RPSA2: variants seen among roughly 807,000 people sequenced by gnomAD.
RPSA2 encodes the protein ribosomal protein SA 2, also known as small ribosomal subunit protein uS2B.
the RPSA2 span, among the ~76,000 whole-genome samples, chr19:23,780,892 C>T: frequency 2.0e-5 from 3 of 152,172 alleles, no homozygotes; most frequent in Non-Finnish European, 4.4e-5. Flanking sequence ...TAAATACAGC[C>T]TACTTTTGAG....
the RPSA2 span, chr19:23,799,230 G>A: frequency 6.6e-6 from 1 of 152,246 alleles, no homozygotes; most frequent in East Asian, 1.9e-4. Flanking sequence ...TTCTCAGAGT[G>A]AGAGCTGTTT....
the RPSA2 span, chr19:23,758,816 T>C: frequency 6.2e-7 from 1 of 1,608,644 alleles, no homozygotes; most frequent in Non-Finnish European, 8.5e-7. Context: ...CAGAGGGCCA[T>C]AGAGGCTGGG....
chr19:23,789,633 T>C, the RPSA2 span, among the ~76,000 whole-genome samples: 1 of 151,936 alleles, frequency 6.6e-6, no homozygotes, highest in Non-Finnish European at 1.5e-5. Context: ...GAATTACCAC[T>C]CTCTCACATA....
the RPSA2 span, among the ~76,000 whole-genome samples, chr19:23,861,891 C>A: frequency 8.0e-4 from 122 of 152,238 alleles, no homozygotes; most frequent in African/African-American, 2.9e-3. Flanking sequence ...GAACTCTGCA[C>A]ACAGGAGGTT....
At chr19:23,792,213 C>T in the RPSA2 span, among the ~76,000 whole-genome samples, 2 of 152,284 alleles carry the variant, frequency 1.3e-5, no homozygotes, top group East Asian at 1.9e-4. Context: ...AAGTTAATAA[C>T]TCTGACATGG....
chr19:23,829,124 A>G, the RPSA2 span, among the ~76,000 whole-genome samples: 1 of 152,098 alleles, frequency 6.6e-6, no homozygotes, highest in South Asian at 2.1e-4. Flanking sequence ...TTCTGCTCTT[A>G]TTTGATTAAT....
the RPSA2 span, among the ~76,000 whole-genome samples, chr19:23,778,268 A>G: frequency 6.6e-6 from 1 of 152,160 alleles, no homozygotes; most frequent in African/African-American, 2.4e-5. Flanking sequence ...GCTGGAATGC[A>G]ATGGCGCAAT....
At chr19:23,824,200 T>C in the RPSA2 span, among the ~76,000 whole-genome samples, 12 of 152,156 alleles carry the variant, frequency 7.9e-5, no homozygotes, top group Non-Finnish European at 1.8e-4. Flanking sequence ...TATGCTGACC[T>C]TGCAGCTGCA....
At chr19:23,764,845 A>G in the RPSA2 span, among the ~76,000 whole-genome samples, 1 of 151,162 alleles carries the variant, frequency 6.6e-6, no homozygotes, top group African/African-American at 2.4e-5. Context: ...TATCTTCCCT[A>G]GGCACACACA....
At chr19:23,772,784 C>A in the RPSA2 span, among the ~76,000 whole-genome samples, 1 of 152,168 alleles carries the variant, frequency 6.6e-6, no homozygotes, top group Non-Finnish European at 1.5e-5. Context: ...CATATATGAG[C>A]CTCCAGCCAC....
At chr19:23,764,761 G>GAAAATTTTATGT in the RPSA2 span, among the ~76,000 whole-genome samples, 1 of 150,566 alleles carries the variant, frequency 6.6e-6, no homozygotes, top group South Asian at 2.1e-4. Flanking sequence ...CATTTTATGT[G>GAAAATTTTATGT]AGAAAAAAAG....
chr19:23,863,947 C>T, the RPSA2 span, among the ~76,000 whole-genome samples: 5 of 152,152 alleles, frequency 3.3e-5, no homozygotes, highest in African/African-American at 1.2e-4. Context: ...ACACACAGAC[C>T]ACCATGTTCA....
chr19:23,845,077 A>AT, the RPSA2 span, among the ~76,000 whole-genome samples: 9 of 26,050 alleles, frequency 3.5e-4, no homozygotes, highest in Non-Finnish European at 4.9e-4. Context: ...ATTGCTAGTG[A>AT]TTTTTTGTAT....
At chr19:23,767,056 C>G in the RPSA2 span, among the ~76,000 whole-genome samples, 45 of 152,052 alleles carry the variant, frequency 3.0e-4, no homozygotes, top group Non-Finnish European at 5.4e-4. Context: ...GGTTTCAAAC[C>G]ATTCTCCTGC....
chr19:23,823,938 C>T, the RPSA2 span: 1 of 152,256 alleles, frequency 6.6e-6, no homozygotes, highest in African/African-American at 2.4e-5. Flanking sequence ...AACCTGTCAT[C>T]TCCATCTCCT....
the RPSA2 span, among the ~76,000 whole-genome samples, chr19:23,790,216 T>G: frequency 6.6e-6 from 1 of 152,086 alleles, no homozygotes; most frequent in Non-Finnish European, 1.5e-5. Context: ...TCAGGCTGGC[T>G]TGGCACTTCT....
the RPSA2 span, among the ~76,000 whole-genome samples, chr19:23,776,504 T>C: frequency 6.6e-6 from 1 of 152,036 alleles, no homozygotes; most frequent in Non-Finnish European, 1.5e-5. Context: ...CAGTGTGACA[T>C]ACTGCTGGGT....
At chr19:23,779,624 C>T in the RPSA2 span, among the ~76,000 whole-genome samples, 56 of 152,280 alleles carry the variant, frequency 3.7e-4, no homozygotes, top group Non-Finnish European at 6.5e-4. Flanking sequence ...TTAGGTGATG[C>T]GACTCTTCTG....
the RPSA2 span, among the ~76,000 whole-genome samples, chr19:23,801,642 A>T: frequency 6.6e-6 from 1 of 152,188 alleles, no homozygotes; most frequent in African/African-American, 2.4e-5. Context: ...GCTGTTCACT[A>T]TTGCCAAAAG....
Sources: gnomAD v4.1 joint callset for allele counts (sites outside exome capture counted in the v4.1 genomes callset) on GRCh38, gnomAD v4.1.1 for gene constraint, MANE v1.5 for transcripts, NCBI Gene and HGNC (gene_info 2026-07-23, HGNC 2026-07-21) for gene names.